The following STAB2 variants were observed in gnomAD, a reference collection of about 807,000 sequenced individuals.
STAB2 encodes stabilin 2, also known as stabilin-2.
A neutral mutation model predicts 338.1 loss-of-function variants in STAB2; 288 were observed. That is an observed-to-expected ratio of 0.85 (90% CI 0.77 to 0.94). The LOEUF (loss-of-function observed/expected upper bound fraction) is 0.94. Among genes scored for constraint, STAB2 ranks in the 40% least tolerant of loss-of-function variants. The probability of loss-of-function intolerance (pLI) is 0.00; values close to 1 mark genes in which losing one functional copy is unlikely to be tolerated. For missense variants in STAB2, 3,141 were observed against 3,210.1 expected, an observed-to-expected ratio of 0.98 and a Z score of 0.52; for synonymous variants, 1,202 against 1,193.3, an observed-to-expected ratio of 1.01 and a Z score of -0.15.
chr12:103,662,695 C>A, intron 17 of STAB2, 151 bp from the exon 18 acceptor site: 1 of 837,598 alleles, frequency 1.2e-6, no homozygotes, highest in Non-Finnish European at 1.8e-6. Context: ...GTCAGCCAAA[C>A]CCTTATAATA....
chr12:103,654,435 C>CA (rs1874019702), intron 12 of STAB2, 120 bp from the exon 13 acceptor site: 1 of 1,122,994 alleles, frequency 8.9e-7, no homozygotes, highest in Non-Finnish European at 1.2e-6. Context: ...GTGACTTATC[C>CA]AAAATCACAT....
chr12:103,706,833 G>T lies in STAB2; in HGVS notation c.4038G>T (p.Gln1346His). ...CCAGFFGPQCQPCPGNAQNVC... is the reference protein window; with the variant it reads ...CCAGFFGPQCHPCPGNAQNVC... ...CCGGCTTCTTTGGCCCCCAATGCCA[G>T]CCCTGCCCAGGGAATGCCCAGAATG... The change falls in exon 38 of 69, where the codon CAG becomes CAT. Residue 1346 changes from glutamine to histidine, a missense_variant. Transcript: ENST00000388887. 1 of 1,614,270 alleles carries T rather than the reference G, an allele frequency of 6.2e-7. No homozygotes were observed. Among genetic ancestry groups the T allele is most frequent in the South Asian group, 1.1e-5 (1 of 91,086 alleles).
intron 44 of STAB2, among the ~76,000 whole-genome samples, chr12:103,722,029 G>T (rs1566047159): frequency 1.3e-5 from 2 of 152,196 alleles, no homozygotes; most frequent in South Asian, 4.1e-4. Flanking sequence ...TTGCTTGGTA[G>T]CCATTCAAGT....
intron 61 of STAB2, chr12:103,755,025 G>T: frequency 2.5e-6 from 1 of 406,628 alleles, no homozygotes. Flanking sequence ...TAGTATCAAT[G>T]GATGACAGCA....
chr12:103,618,677 G>C (rs550608848), intron 3 of STAB2, among the ~76,000 whole-genome samples: 6 of 152,272 alleles, frequency 3.9e-5, no homozygotes, highest in African/African-American at 1.4e-4. Context: ...CTTGCCAGCT[G>C]GGTGACTTTG....
intron 34 of STAB2, among the ~76,000 whole-genome samples, chr12:103,700,113 C>A (rs1025855907): frequency 5.9e-5 from 9 of 152,138 alleles, no homozygotes; most frequent in African/African-American, 1.2e-4. Flanking sequence ...CACATGATAC[C>A]TAAATATTTA....
chr12:103,632,828 A>G (rs910972869), intron 6 of STAB2, among the ~76,000 whole-genome samples: 2 of 152,210 alleles, frequency 1.3e-5, no homozygotes, highest in Non-Finnish European at 2.9e-5. Flanking sequence ...AGAAACTCAC[A>G]GGATGGCAGA....
At chr12:103,732,345 T>C (rs1322012906) in intron 50 of STAB2, among the ~76,000 whole-genome samples, 1 of 151,772 alleles carries the variant, frequency 6.6e-6, no homozygotes, top group South Asian at 2.1e-4. Flanking sequence ...ACTCCAGAGA[T>C]TGTTCCCATG....
chr12:103,666,604 A>G (rs780740130), intron 19 of STAB2, among the ~76,000 whole-genome samples: 3 of 152,272 alleles, frequency 2.0e-5, no homozygotes, highest in Non-Finnish European at 4.4e-5. Context: ...GATAATAACA[A>G]AAAGATTCAC....
At chr12:103,682,515 C>T (rs939836091) in intron 25 of STAB2, among the ~76,000 whole-genome samples, 2 of 152,192 alleles carry the variant, frequency 1.3e-5, no homozygotes, top group Admixed American at 6.5e-5. Flanking sequence ...CTAGCAATGG[C>T]CTCATGCATG....
rs1565984515 is a variant in STAB2, at chr12:103,650,578, TGTGA to T, written c.1257+3_1257+6del. ...CAGACAAGGGACTGAAAGGATTCAATGTGAGTATTTAAAATGACCCTACACCAAG... is the reference window on the plus strand; with the variant it reads ...CAGACAAGGGACTGAAAGGATTCAATGTATTTAAAATGACCCTACACCAAG... On this transcript the variant is annotated splice_donor_variant and splice_donor_region_variant and intron_variant, in intron 11 of 68. Transcript: ENST00000388887. LOFTEE classifies it high-confidence loss of function. The T allele has an allele frequency of 1.2e-6, 2 of 1,612,326 alleles. No individual in the cohort carries two copies. Among genetic ancestry groups the T allele is most frequent in the South Asian group, 2.2e-5 (2 of 91,042 alleles).
intron 43 of STAB2, 127 bp from the exon 44 acceptor site, chr12:103,717,643 C>A: frequency 2.8e-6 from 2 of 712,660 alleles, no homozygotes; most frequent in Admixed American, 2.3e-5. Context: ...TAGATATTAC[C>A]AACGTCAAAT....
intron 8 of STAB2, among the ~76,000 whole-genome samples, chr12:103,639,002 A>G (rs965974813): frequency 3.9e-5 from 6 of 152,106 alleles, no homozygotes; most frequent in Non-Finnish European, 5.9e-5. Context: ...AATCCACCCA[A>G]CCTTGCCTCC....
intron 56 of STAB2, 27 bp downstream of exon 56, chr12:103,742,581 G>A (rs756652241): frequency 2.5e-6 from 4 of 1,613,672 alleles, no homozygotes; most frequent in African/African-American, 2.7e-5. Context: ...CTCCGTGCTA[G>A]AGCTTGTTTT....
At chr12:103,757,943 G>A (rs545340064) in intron 63 of STAB2, 228 of 583,108 alleles carry the variant, frequency 3.9e-4, no homozygotes, top group Non-Finnish European at 6.6e-4. Context: ...CCACGTGGAG[G>A]ATGGGCTGTG....
At chr12:103,629,742 G>T (rs753252829) in intron 5 of STAB2, among the ~76,000 whole-genome samples, 2 of 152,218 alleles carry the variant, frequency 1.3e-5, no homozygotes, top group Non-Finnish European at 1.5e-5. Context: ...AGCTCCCATT[G>T]GTTGGTCATG....
rs1171464327 is a variant in STAB2 at position 103,675,998 on chromosome 12, A to G, written c.2623A>G (p.Thr875Ala). The G allele has an allele frequency of 6.2e-7, 1 of 1,610,510 alleles. No individual in the cohort carries two copies. Among genetic ancestry groups the G allele is most frequent in the Admixed American group, 1.7e-5 (1 of 59,546 alleles). Residue 875 changes from threonine to alanine, a missense_variant, in exon 24 of 69, where the codon ACT becomes GCT. Thr to Ala is a moderately conservative substitution (Grantham distance 58). Transcript: ENST00000388887. ...CSEMDPCTGL[T>A]PGGCSRNAEC... ...TGAGATGGACCCTTGCACAGGACTA[A>G]CTCCAGGAGGCTGTAGCCGCAATGT...
At chr12:103,652,470 G>T in intron 11 of STAB2, 86 bp from the exon 12 acceptor site, 2 of 1,319,638 alleles carry the variant, frequency 1.5e-6, no homozygotes, top group Non-Finnish European at 2.0e-6. Flanking sequence ...TGGCTTTGAT[G>T]TCTTTGATAA....
intron 27 of STAB2, among the ~76,000 whole-genome samples, chr12:103,687,470 A>C (rs1015836826): frequency 1.3e-5 from 2 of 152,146 alleles, no homozygotes; most frequent in African/African-American, 4.8e-5. Context: ...AATATCTTAC[A>C]TCCTCTTTCA....
Sources: gnomAD v4.1 joint callset for allele counts (sites outside exome capture counted in the v4.1 genomes callset) on GRCh38, gnomAD v4.1.1 for gene constraint, MANE v1.5 for transcripts, NCBI Gene and HGNC (gene_info 2026-07-23, HGNC 2026-07-21) for gene names.